PARVA: variants seen among roughly 807,000 people sequenced by gnomAD.
PARVA encodes the protein alpha-parvin.
In PARVA, 25 loss-of-function variants were observed where a neutral mutation model predicts 52.6. The observed-to-expected ratio is 0.48, with a 90% confidence interval of 0.35 to 0.66. PARVA has a LOEUF of 0.66. Among genes scored for constraint, PARVA ranks in the 30% least tolerant of loss-of-function variants. The probability of loss-of-function intolerance (pLI) is 0.01; values close to 1 mark genes in which losing one functional copy is unlikely to be tolerated. For synonymous variants in PARVA, 185 were observed against 179.1 expected (o/e 1.03, Z -0.26); for missense variants, 373 against 450.9 (o/e 0.83, Z 1.56).
At chr11:12,427,351 G>GCTCCCCTCTCCCTTC (rs1489598184) in intron 1 of PARVA, among the ~76,000 whole-genome samples, 1 of 152,164 alleles carries the variant, frequency 6.6e-6, no homozygotes, top group Non-Finnish European at 1.5e-5. Context: ...CCTTTCACTT[G>GCTCCCCTCTCCCTTC]CTCCCCTCTC....
chr11:12,423,904 C>T (rs1345723955), intron 1 of PARVA, among the ~76,000 whole-genome samples: 1 of 152,154 alleles, frequency 6.6e-6, no homozygotes, highest in Non-Finnish European at 1.5e-5. Context: ...ATTATTACAT[C>T]CTCCTGCAAT....
chr11:12,471,362 A>G (rs894417779), intron 1 of PARVA, among the ~76,000 whole-genome samples: 4 of 152,116 alleles, frequency 2.6e-5, no homozygotes, highest in African/African-American at 9.7e-5. Flanking sequence ...TTATCCACTT[A>G]CTCTTTTAAA....
intron 1 of PARVA, among the ~76,000 whole-genome samples, chr11:12,411,889 T>A (rs143150818): frequency 6.6e-6 from 1 of 152,294 alleles, no homozygotes; most frequent in African/African-American, 2.4e-5. Context: ...CAGCCTGCTT[T>A]ATCACTCCTT....
At chr11:12,496,373 A>T in intron 4 of PARVA, 85 bp from the exon 5 acceptor site, 23 of 1,000,026 alleles carry the variant, frequency 2.3e-5, no homozygotes, top group Admixed American at 4.0e-5. Flanking sequence ...AGTGCATGAG[A>T]GACCGAATAA....
chr11:12,422,551 T>G (rs1051472709), intron 1 of PARVA, among the ~76,000 whole-genome samples: 1 of 151,964 alleles, frequency 6.6e-6, no homozygotes, highest in Non-Finnish European at 1.5e-5. Flanking sequence ...GTTATTTTCA[T>G]TCATGTTTCT....
chr11:12,381,148 T>G (rs1428830547), intron 1 of PARVA, among the ~76,000 whole-genome samples: 1 of 152,180 alleles, frequency 6.6e-6, no homozygotes, highest in Non-Finnish European at 1.5e-5. Context: ...GTGGGTTGGT[T>G]TGAAATGACT....
At chr11:12,507,890 A>G (rs1193605286) in intron 6 of PARVA, among the ~76,000 whole-genome samples, 2 of 152,046 alleles carry the variant, frequency 1.3e-5, no homozygotes, top group Admixed American at 6.6e-5. Context: ...TTCTAACTCC[A>G]GCACAGGGCC....
At chr11:12,504,578 C>G (rs1941409924) in intron 6 of PARVA, 149 bp downstream of exon 6, 1 of 621,146 alleles carries the variant, frequency 1.6e-6, no homozygotes, top group Admixed American at 2.7e-5. Flanking sequence ...ACTGAATGAG[C>G]TTTCTGTTGC....
chr11:12,504,263 C>A, intron 5 of PARVA, 51 bp from the exon 6 acceptor site: 1 of 1,045,006 alleles, frequency 9.6e-7, no homozygotes, highest in East Asian at 2.4e-5. Flanking sequence ...GCTTATATTG[C>A]CTAGAACCTG....
chr11:12,406,661 G>GTTTTTTT lies in PARVA; in HGVS notation c.136+28899_136+28905dup, dbSNP rs571973101. Among the ~76,000 whole-genome samples the GTTTTTTT allele has an allele frequency of 1.8e-3, 137 of 77,792 alleles. 17 individuals are homozygous for GTTTTTTT. Among genetic ancestry groups the GTTTTTTT allele is most frequent in the African/African-American group, 4.5e-3 (83 of 18,484 alleles). The allele number at this position is 77,792 out of a possible 152,430, so 51.0% of individuals were successfully genotyped here. On this transcript the variant is annotated intron_variant, in intron 1 of 12. Coordinates refer to ENST00000334956, the MANE Select transcript of PARVA (RefSeq NM_018222.5). ...ATTGTTAGCTATTTAGGTTGTATCT[G>GTTTTTTT]TTTTTTTTTTTTTTTTTTTTTTTTT... is the stretch of plus-strand genomic sequence containing the variant.
chr11:12,464,199 T>TG (rs1157685139), intron 1 of PARVA, among the ~76,000 whole-genome samples: 3 of 152,134 alleles, frequency 2.0e-5, no homozygotes, highest in African/African-American at 7.2e-5. Flanking sequence ...GAAATATATG[T>TG]GTGTGCACTA....
In PARVA at chr11:12,534,842, G is replaced by T. The variant is rs560806040; in HGVS notation, c.*6917G>T. Among the ~76,000 whole-genome samples the T allele has an allele frequency of 1.8e-4, 28 of 152,290 alleles. No individual in the cohort carries two copies. Among genetic ancestry groups the T allele is most frequent in the Admixed American group, 1.4e-3 (21 of 15,298 alleles). ...TGCCTGCCCTTGGCAAATATATGTTGGTGTATCTGAAAAACAGCTCCTGGA... is the reference window on the plus strand; with the variant it reads ...TGCCTGCCCTTGGCAAATATATGTTTGTGTATCTGAAAAACAGCTCCTGGA... On this transcript the variant is annotated 3_prime_UTR_variant, in exon 13 of 13. Transcript: ENST00000334956.
Position 12,446,500 on chromosome 11 carries a change from A to G in PARVA, c.137-27245A>G, listed in dbSNP as rs148005509. On this transcript the variant is annotated intron_variant, in intron 1 of 12. Coordinates refer to ENST00000334956, the MANE Select transcript of PARVA (RefSeq NM_018222.5). The stretch of plus-strand genomic sequence containing the variant: ...ACCCAGCAATTCTACTTTTAGAAAT[A>G]TATCCTAAAGTAATAAAAACTTACA... Among the ~76,000 whole-genome samples the G allele has an allele frequency of 4.3e-4, 66 of 152,368 alleles. No homozygotes were observed. The East Asian group carries it at 0.011, about 26-fold the overall frequency.
intron 1 of PARVA, among the ~76,000 whole-genome samples, chr11:12,389,820 T>C (rs1255557431): frequency 6.6e-6 from 1 of 152,206 alleles, no homozygotes; most frequent in African/African-American, 2.4e-5. Context: ...AGCACGTCAT[T>C]ATCACACCTG....
chr11:12,496,376 C>CT (rs1216257565), intron 4 of PARVA, 82 bp from the exon 5 acceptor site: 4 of 1,051,962 alleles, frequency 3.8e-6, no homozygotes, highest in Non-Finnish European at 5.2e-6. Context: ...GCATGAGAGA[C>CT]CGAATAACTG....
Position 12,534,073 on chromosome 11 carries a change from C to A in PARVA, c.*6148C>A, listed in dbSNP as rs1445554643. The stretch of plus-strand genomic sequence containing the variant: ...ATCCCAGCTACTCAGGGGGCTGAGG[C>A]AGAAGTATTGCTTGAACCCAGGAGG... On this transcript the variant is annotated 3_prime_UTR_variant, in exon 13 of 13. Transcript: ENST00000334956. 6.6e-6 allele frequency among the ~76,000 whole-genome samples: 1 copy of A among 152,062 alleles called. No homozygotes were observed. The highest frequency in any genetic ancestry group is 2.4e-5 in the African/African-American group (1 of 41,404).
intron 1 of PARVA, among the ~76,000 whole-genome samples, chr11:12,396,023 T>C (rs139620488): frequency 2.3e-4 from 35 of 152,344 alleles, no homozygotes; most frequent in African/African-American, 7.9e-4. Context: ...TTTATTTGTA[T>C]ACGTATCCAA....
chr11:12,494,295 T>C (rs1230552125), intron 4 of PARVA, among the ~76,000 whole-genome samples: 1 of 152,224 alleles, frequency 6.6e-6, no homozygotes, highest in Non-Finnish European at 1.5e-5. Flanking sequence ...CCATTGATAG[T>C]TGACCTCCAG....
intron 4 of PARVA, 74 bp from the exon 5 acceptor site, chr11:12,496,384 C>CT: frequency 2.6e-6 from 3 of 1,146,248 alleles, no homozygotes; most frequent in Non-Finnish European, 3.5e-6. Context: ...GACCGAATAA[C>CT]TGAGTAAGTG....
Sources: allele counts gnomAD v4.1 joint callset (sites outside exome capture counted in the v4.1 genomes callset), GRCh38; gene constraint gnomAD v4.1.1; transcripts MANE v1.5; gene names NCBI Gene and HGNC (gene_info 2026-07-23, HGNC 2026-07-21).